The following AFAP1 variants were observed in gnomAD, a reference collection of about 807,000 sequenced individuals.
AFAP1 encodes the protein actin filament-associated protein 1.
AFAP1 carries 75 observed loss-of-function variants against 93.9 expected under a neutral mutation model. That is an observed-to-expected ratio of 0.80 (90% confidence interval 0.66 to 0.97). The LOEUF is 0.97. Among genes scored for constraint, AFAP1 ranks in the 50% least tolerant of loss-of-function variants. The pLI is 0.00. For missense variants in AFAP1, 1,201 were observed against 1,050.8 expected, an observed-to-expected ratio of 1.14 and a Z score of -1.98; for synonymous variants, 517 against 430.7, an observed-to-expected ratio of 1.20 and a Z score of -2.48.
chr4:7,774,880 T>G lies in AFAP1; in HGVS notation c.1921A>C (p.Lys641Gln), dbSNP rs190421011. Residue 641 changes from lysine (K) to glutamine (Q), a missense_variant, in exon 15 of 18, where the codon AAG (lysine) becomes CAG (glutamine). Transcript: ENST00000420658. ...TTGGCATCTGCTTCTACCCGGTTCT[T>G]GCCATACTTGTACTGGGCAGCATCT... Reference protein sequence around the residue: ...GSNAAQYKYGKNRVEADAKRL... With the variant: ...GSNAAQYKYGQNRVEADAKRL... 4 of 1,614,162 alleles carry G rather than the reference T, an allele frequency of 2.5e-6. No homozygotes were observed. Among genetic ancestry groups the G allele is most frequent in the Non-Finnish European group, 3.4e-6 (4 of 1,180,032 alleles).
rs1279395665 is a variant in AFAP1 at position 7,875,955 on chromosome 4, G to T, written c.-2-3875C>A. 2.0e-5 allele frequency among the ~76,000 whole-genome samples: 3 copies of T among 152,148 alleles called. No homozygotes were observed. The South Asian group carries it at 6.2e-4, about 32-fold the overall frequency. The stretch of plus-strand genomic sequence containing the variant: ...AGAATGTAGGGTTATTATTTAATGG[G>T]GTTCAGAGTTAACAGTTTGGGATGA... On this transcript the variant is annotated intron_variant, in intron 1 of 17. Coordinates refer to ENST00000420658, the MANE Select transcript of AFAP1 (RefSeq NM_001134647.2).
At chr4:7,764,983 A>G (rs1352881444) in intron 17 of AFAP1, among the ~76,000 whole-genome samples, 1 of 152,138 alleles carries the variant, frequency 6.6e-6, no homozygotes, top group Non-Finnish European at 1.5e-5. Flanking sequence ...GCGCACACCC[A>G]TAGTCCCAGC....
intron 17 of AFAP1, among the ~76,000 whole-genome samples, chr4:7,765,874 CAG>C (rs1023915856): frequency 5.9e-5 from 9 of 152,328 alleles, no homozygotes; most frequent in African/African-American, 1.9e-4. Flanking sequence ...TCAAAGGAGA[CAG>C]GGTCTGTGAA....
intron 1 of AFAP1, among the ~76,000 whole-genome samples, chr4:7,884,574 C>A (rs13145572): frequency 1.3e-5 from 2 of 152,040 alleles, no homozygotes; most frequent in African/African-American, 4.8e-5. Context: ...CAAATACACA[C>A]AGAAATATAA....
chr4:7,770,451 T>C (rs527677757), intron 16 of AFAP1, among the ~76,000 whole-genome samples: 1 of 152,032 alleles, frequency 6.6e-6, no homozygotes, highest in East Asian at 1.9e-4. Flanking sequence ...AGTGAAGCTG[T>C]AGGAGGGGCA....
chr4:7,785,050 C>T (rs575643374), intron 12 of AFAP1, among the ~76,000 whole-genome samples: 10 of 152,282 alleles, frequency 6.6e-5, no homozygotes, highest in Admixed American at 1.3e-4. Context: ...ATTTCAAACC[C>T]TCCCAGTACT....
rs114748184 is a variant in AFAP1, at chr4:7,770,764, G to A, written c.2254-1756C>T. Among the ~76,000 whole-genome samples, 934 of 152,254 alleles carry A rather than the reference G, an allele frequency of 6.1e-3. 14 individuals carry two copies. Among genetic ancestry groups the A allele is most frequent in the African/African-American group, 0.018 (754 of 41,560 alleles). On this transcript the variant is annotated intron_variant, in intron 16 of 17. Transcript: ENST00000420658. ...CTCCACTCAAACAGAACCAGAGGAC[G>A]GGGGCGGGACAGCTCCTCAGAGCAC...
intron 1 of AFAP1, among the ~76,000 whole-genome samples, chr4:7,900,088 T>C (rs1443030934): frequency 3.3e-5 from 5 of 152,164 alleles, no homozygotes; most frequent in African/African-American, 1.2e-4. Flanking sequence ...TGGCTAGAAA[T>C]ACAGTTGTCT....
At chr4:7,836,201 A>G (rs1209972527) in intron 6 of AFAP1, among the ~76,000 whole-genome samples, 1 of 152,236 alleles carries the variant, frequency 6.6e-6, no homozygotes, top group East Asian at 1.9e-4. Context: ...GGATCCAAGT[A>G]ATCAGTTCTT....
intron 11 of AFAP1, among the ~76,000 whole-genome samples, chr4:7,791,074 CTCCAAT>C (rs1396763172): frequency 6.6e-6 from 1 of 152,230 alleles, no homozygotes. Context: ...AGGAAGACTG[CTCCAAT>C]TCCCCATAAA....
At chr4:7,920,846 GAA>G (rs947500380) in intron 1 of AFAP1, among the ~76,000 whole-genome samples, 7 of 151,988 alleles carry the variant, frequency 4.6e-5, no homozygotes, top group Non-Finnish European at 1.0e-4. Context: ...AGACTCTCAA[GAA>G]AAAAATTCCC....
intron 1 of AFAP1, among the ~76,000 whole-genome samples, chr4:7,891,967 T>C (rs1476251096): frequency 6.6e-6 from 1 of 151,984 alleles, no homozygotes; most frequent in Non-Finnish European, 1.5e-5. Flanking sequence ...GGCAGGAGAA[T>C]GGCTTGAACC....
chr4:7,763,676 A>C lies in AFAP1; in HGVS notation c.*89T>G. 6.6e-7 allele frequency: 1 copy of C among 1,513,702 alleles called. No homozygotes were observed. 93.8% of individuals were successfully genotyped at this position (1,513,702 alleles called of 1,614,324 possible). On this transcript the variant is annotated 3_prime_UTR_variant, in exon 18 of 18. Coordinates refer to ENST00000420658, the MANE Select transcript of AFAP1 (RefSeq NM_001134647.2). ...CCTCTGGAGTCGTGCAGCTGAGGCC[A>C]CTCTGGGCAGAGCTTCCTGCCGTCA...
chr4:7,931,843 T>C (rs1721083986), intron 1 of AFAP1, among the ~76,000 whole-genome samples: 1 of 152,036 alleles, frequency 6.6e-6, no homozygotes, highest in African/African-American at 2.4e-5. Context: ...TTAAAAACCT[T>C]AGGATTATAG....
intron 12 of AFAP1, among the ~76,000 whole-genome samples, chr4:7,784,428 G>C (rs576722361): frequency 6.6e-6 from 1 of 152,116 alleles, no homozygotes; most frequent in South Asian, 2.1e-4. Context: ...AGACTCAAAG[G>C]CCCTTTCAGG....
chr4:7,901,961 C>G (rs566597647), intron 1 of AFAP1, among the ~76,000 whole-genome samples: 1 of 152,186 alleles, frequency 6.6e-6, no homozygotes, highest in African/African-American at 2.4e-5. Context: ...GCATCAACAA[C>G]ACACACAACT....
intron 1 of AFAP1, among the ~76,000 whole-genome samples, chr4:7,899,884 A>ATAAATAAATAAATAAATAAATAAATAAAT (rs1553853500): frequency 6.6e-6 from 1 of 151,334 alleles, no homozygotes; most frequent in African/African-American, 2.4e-5. Context: ...AAATAAATAA[A>ATAAATAAATAAATAAATAAATAAATAAAT]AAAGGAAGGG....
chr4:7,892,763 T>C (rs1438251455), intron 1 of AFAP1, among the ~76,000 whole-genome samples: 2 of 152,030 alleles, frequency 1.3e-5, no homozygotes, highest in Non-Finnish European at 2.9e-5. Context: ...AACTATTCCA[T>C]GACGCATTTG....
chr4:7,923,200 G>C (rs1199227491), intron 1 of AFAP1, among the ~76,000 whole-genome samples: 1 of 152,236 alleles, frequency 6.6e-6, no homozygotes, highest in Non-Finnish European at 1.5e-5. Context: ...TAAAGGAATG[G>C]ACTACCACAT....
Sources: allele counts gnomAD v4.1 joint callset (sites outside exome capture counted in the v4.1 genomes callset), GRCh38; gene constraint gnomAD v4.1.1; transcripts MANE v1.5; gene names NCBI Gene and HGNC (gene_info 2026-07-23, HGNC 2026-07-21).